Variants in MRPS6 observed in about 807,000 individuals in gnomAD.
MRPS6 encodes the protein small ribosomal subunit protein bS6m.
A neutral mutation model predicts 13.1 loss-of-function variants in MRPS6; 6 were observed. The ratio of observed to expected loss-of-function variants is 0.46; its 90% CI spans 0.25 to 0.91. The LOEUF (loss-of-function observed/expected upper bound fraction) is 0.91, where lower values mean the gene tolerates loss of function less well. Ranked by LOEUF, MRPS6 falls within the 40% of genes least tolerant of loss-of-function variation. The pLI is 0.18. For synonymous variants in MRPS6, 61 were observed against 56.5 expected (o/e 1.08, Z -0.36); for missense variants, 164 against 155.6 (o/e 1.05, Z -0.29).
intron 2 of MRPS6, 84 bp downstream of exon 2, chr21:34,125,564 A>C: frequency 6.5e-7 from 1 of 1,544,080 alleles, no homozygotes; most frequent in Non-Finnish European, 8.7e-7. Flanking sequence ...AAGTTCTTAA[A>C]ATTTCACATT....
At chr21:34,078,711 A>G (rs1381662857) in intron 1 of MRPS6, among the ~76,000 whole-genome samples, 4 of 152,216 alleles carry the variant, frequency 2.6e-5, no homozygotes, top group Non-Finnish European at 2.9e-5. Flanking sequence ...TAACTCATCT[A>G]AAAGAAACCT....
At chr21:34,102,018 C>G in intron 1 of MRPS6, 19 of 1,000,082 alleles carry the variant, frequency 1.9e-5, no homozygotes, top group Non-Finnish European at 2.3e-5. Context: ...TAGAGGAACC[C>G]TTTTGTACTG....
chr21:34,128,194 G>A (rs1980376202), intron 2 of MRPS6, among the ~76,000 whole-genome samples: 1 of 152,192 alleles, frequency 6.6e-6, no homozygotes, highest in Admixed American at 6.5e-5. Context: ...TCTAATCAGA[G>A]AGTTGGCTGC....
At chr21:34,140,045 G>A (rs1980855969) in intron 2 of MRPS6, among the ~76,000 whole-genome samples, 2 of 151,996 alleles carry the variant, frequency 1.3e-5, no homozygotes, top group Admixed American at 6.5e-5. Context: ...TGGCTATAGA[G>A]GCATATCAAT....
At chr21:34,085,240 C>T (rs1978326374) in intron 1 of MRPS6, among the ~76,000 whole-genome samples, 1 of 152,062 alleles carries the variant, frequency 6.6e-6, no homozygotes, top group Non-Finnish European at 1.5e-5. Context: ...TTGCAGAAAC[C>T]CTCACTTTGG....
At position 34,096,228 on chromosome 21, in the gene MRPS6, G is replaced by A; in HGVS notation, c.45+22483G>A. The A allele has an allele frequency of 6.2e-7, 1 of 1,614,184 alleles. No individual in the cohort carries two copies. The highest frequency in any genetic ancestry group is 8.5e-7 in the Non-Finnish European group (1 of 1,180,008). ...CTGCATGCTGGTGTGTGGAAGCAGA[G>A]CTGGTTGCTCCAATATTGCTTACCC... is the stretch of plus-strand genomic sequence containing the variant. On this transcript the variant is annotated intron_variant, in intron 1 of 2. Coordinates refer to ENST00000399312, the MANE Select transcript of MRPS6 (RefSeq NM_032476.4). This position sits in a 1 kb window ranked among gnomAD's most constrained non-coding sequence, Gnocchi z 5.9.
chr21:34,132,671 GTCCGGAGCTTGAC>G (rs1310278821), intron 2 of MRPS6, among the ~76,000 whole-genome samples: 2 of 152,318 alleles, frequency 1.3e-5, no homozygotes, highest in East Asian at 3.9e-4. Context: ...GGGGTCTGGA[GTCCGGAGCTTGAC>G]TCTCACTTTG....
intron 1 of MRPS6, among the ~76,000 whole-genome samples, chr21:34,107,444 G>A (rs1228077657): frequency 6.6e-6 from 1 of 152,168 alleles, no homozygotes; most frequent in Admixed American, 6.5e-5. Flanking sequence ...TTAAGGTGGT[G>A]TCCACCAGGT....
At chr21:34,142,330 A>G in intron 2 of MRPS6, 78 bp from the exon 3 acceptor site, 1 of 1,474,156 alleles carries the variant, frequency 6.8e-7, no homozygotes, top group Non-Finnish European at 9.0e-7. Context: ...TAGGAAGAGT[A>G]AAATGGAAAC....
At chr21:34,094,109 T>C (rs184971936) in intron 1 of MRPS6, among the ~76,000 whole-genome samples, 1 of 152,366 alleles carries the variant, frequency 6.6e-6, no homozygotes, top group African/African-American at 2.4e-5. Context: ...ATTGCTTCTT[T>C]TAAAGTTTGC....
chr21:34,077,054 C>G (rs1393572638), intron 1 of MRPS6, among the ~76,000 whole-genome samples: 1 of 152,136 alleles, frequency 6.6e-6, no homozygotes, highest in African/African-American at 2.4e-5. Flanking sequence ...CCACCTCCAC[C>G]CTGCCCCCCC....
chr21:34,078,468 AC>A (rs1989385293), intron 1 of MRPS6, among the ~76,000 whole-genome samples: 1 of 152,054 alleles, frequency 6.6e-6, no homozygotes, highest in South Asian at 2.1e-4. Context: ...TCAGAAGTTG[AC>A]ATTTTGCACT....
chr21:34,094,331 T>C (rs1038112842), intron 1 of MRPS6, among the ~76,000 whole-genome samples: 16 of 152,146 alleles, frequency 1.1e-4, no homozygotes, highest in African/African-American at 3.6e-4. Context: ...GACTAGGCAG[T>C]ACTTGGTTTT....
At chr21:34,104,836 T>G (rs1979405923) in intron 1 of MRPS6, 11 of 1,000,046 alleles carry the variant, frequency 1.1e-5, no homozygotes, top group Non-Finnish European at 1.3e-5. Flanking sequence ...TTACATGTTT[T>G]TAAATTTAAG....
At chr21:34,080,765 C>A (rs187350117) in intron 1 of MRPS6, among the ~76,000 whole-genome samples, 2 of 152,310 alleles carry the variant, frequency 1.3e-5, no homozygotes, top group Admixed American at 6.5e-5. Flanking sequence ...CTATGCTTTG[C>A]ATATATGGTA....
At position 34,075,951 on chromosome 21, in the gene MRPS6, G is replaced by C. The variant is rs931567175; in HGVS notation, c.45+2206G>C. Among the ~76,000 whole-genome samples the C allele has an allele frequency of 3.9e-5, 6 of 152,216 alleles. No individual in the cohort carries two copies. In the South Asian group the frequency reaches 1.2e-3, roughly 32 times the overall value. On this transcript the variant is annotated intron_variant, in intron 1 of 2. Coordinates refer to ENST00000399312, the MANE Select transcript of MRPS6 (RefSeq NM_032476.4). ...CTTGGAGAAACCACAGTTCTAACCC[G>C]AGGCACTTTGTGCTTCTGTTGCAAG...
At position 34,073,655 on chromosome 21, in the gene MRPS6, C is replaced by G. The variant is rs747133906; in HGVS notation, c.-46C>G. ...CCCCGCCGTCCCGCCCCTTCGCGTC[C>G]CGGGAACCGGCTGGCTTCCGAGCCG... On this transcript the variant is annotated 5_prime_UTR_variant, in exon 1 of 3. Coordinates refer to ENST00000399312, the MANE Select transcript of MRPS6 (RefSeq NM_032476.4). 6.6e-7 allele frequency: 1 copy of G among 1,506,454 alleles called. No homozygotes were observed. The highest frequency in any genetic ancestry group is 9.0e-7 in the Non-Finnish European group (1 of 1,116,588). 93.3% of individuals were successfully genotyped at this position (1,506,454 alleles called of 1,614,324 possible).
At chr21:34,111,229 G>A (rs1979686430) in intron 1 of MRPS6, among the ~76,000 whole-genome samples, 1 of 152,136 alleles carries the variant, frequency 6.6e-6, no homozygotes, top group South Asian at 2.1e-4. Flanking sequence ...AGGCAAATTG[G>A]CATATATGGA....
chr21:34,094,960 A>T (rs1978896869), intron 1 of MRPS6: 1 of 488,452 alleles, frequency 2.0e-6, no homozygotes, highest in Admixed American at 3.8e-5. Flanking sequence ...GTGGATTAAG[A>T]GTACGAGCTA....
Sources: allele counts gnomAD v4.1 joint callset (sites outside exome capture counted in the v4.1 genomes callset), GRCh38; gene constraint gnomAD v4.1.1; non-coding constraint Gnocchi (gnomAD v3.1); transcripts MANE v1.5; gene names NCBI Gene and HGNC (gene_info 2026-07-23, HGNC 2026-07-21).